HS3ST4: variants seen among roughly 807,000 people sequenced by gnomAD.
HS3ST4 encodes heparan sulfate glucosamine 3-O-sulfotransferase 4.
In HS3ST4, 17 loss-of-function variants were observed where a neutral mutation model predicts 29.2. The ratio of observed to expected loss-of-function variants is 0.58; its 90% confidence interval spans 0.40 to 0.87. The LOEUF (loss-of-function observed/expected upper bound fraction) is 0.87, where lower values mean the gene tolerates loss of function less well. Among genes scored for constraint, HS3ST4 ranks in the 40% least tolerant of loss-of-function variants. The pLI is 0.00. For synonymous variants in HS3ST4, 314 were observed against 285.7 expected (o/e 1.10, Z -1.00); for missense variants, 627 against 634.5 (o/e 0.99, Z 0.13).
chr16:25,862,491 C>T (rs1165691114), intron 1 of HS3ST4, among the ~76,000 whole-genome samples: 1 of 152,204 alleles, frequency 6.6e-6, no homozygotes, highest in South Asian at 2.1e-4. Flanking sequence ...CCTCACCCAG[C>T]CTTCCTATGA....
chr16:26,052,781 C>G (rs1430846882), intron 1 of HS3ST4, among the ~76,000 whole-genome samples: 2 of 152,232 alleles, frequency 1.3e-5, no homozygotes, highest in African/African-American at 4.8e-5. Context: ...CTCACCAACT[C>G]TCATGCTTCT....
intron 1 of HS3ST4, among the ~76,000 whole-genome samples, chr16:25,698,746 T>C (rs574623972): frequency 1.3e-5 from 2 of 152,202 alleles, no homozygotes; most frequent in African/African-American, 4.8e-5. Context: ...AAAGAGGCTG[T>C]TATTTGGGAT....
At chr16:25,971,786 A>G (rs1019504127) in intron 1 of HS3ST4, among the ~76,000 whole-genome samples, 4 of 151,970 alleles carry the variant, frequency 2.6e-5, no homozygotes, top group African/African-American at 9.7e-5. Flanking sequence ...TTAGCTGAGT[A>G]TAGTGGCAGG....
chr16:26,104,875 C>G (rs1899031913), intron 1 of HS3ST4, among the ~76,000 whole-genome samples: 1 of 152,192 alleles, frequency 6.6e-6, no homozygotes. Context: ...CTTGGTTCTT[C>G]TCTTTCTCCC....
At chr16:25,828,267 T>TCTCTCTCTCTCTCTCTCTCTCTCTCTCC (rs1967247561) in intron 1 of HS3ST4, among the ~76,000 whole-genome samples, 1 of 86,800 alleles carries the variant, frequency 1.2e-5, no homozygotes, top group Non-Finnish European at 2.3e-5. Context: ...TTTCTTTCTT[T>TCTCTCTCTCTCTCTCTCTCTCTCTCTCC]CTTTCTTTCT....
rs1193101893 is a variant in HS3ST4 at position 26,051,904 on chromosome 16, C to G, written c.735-83708C>G. ...TGCCTCCCTCCCTCCCTCCCTCCCT[C>G]CCTCCCTCCCTTCCTTCCTTCCTTC... On this transcript the variant is annotated intron_variant, in intron 1 of 1. Coordinates refer to ENST00000331351, the MANE Select transcript of HS3ST4 (RefSeq NM_006040.3). 3.8e-4 allele frequency among the ~76,000 whole-genome samples: 47 copies of G among 123,638 alleles called. No individual in the cohort carries two copies. The South Asian group carries it at 0.011, about 28-fold the overall frequency. 81.1% of individuals were successfully genotyped at this position (123,638 alleles called of 152,430 possible). A position where few individuals can be genotyped will look rare whatever the true frequency, so the allele number is the denominator to read the frequency against.
intron 1 of HS3ST4, among the ~76,000 whole-genome samples, chr16:25,760,923 G>T (rs1426821045): frequency 6.6e-6 from 1 of 152,196 alleles, no homozygotes; most frequent in Admixed American, 6.5e-5. Flanking sequence ...TAATGCTGAG[G>T]CAGAACCCAG....
Position 25,703,567 on chromosome 16 carries a change from A to G in HS3ST4, c.734+10416A>G, listed in dbSNP as rs190192769. On this transcript the variant is annotated intron_variant, in intron 1 of 1. Transcript: ENST00000331351. ...CTTACCTTTATTTGTCTCAGAGTTCATTTCCACTGGAAGTGGTGTCTTCCA... is the reference window on the plus strand; with the variant it reads ...CTTACCTTTATTTGTCTCAGAGTTCGTTTCCACTGGAAGTGGTGTCTTCCA... 3.9e-3 allele frequency among the ~76,000 whole-genome samples: 600 copies of G among 152,344 alleles called. 1 individual carries two copies. Among genetic ancestry groups the G allele is most frequent in the Non-Finnish European group, 6.9e-3 (467 of 68,024 alleles).
intron 1 of HS3ST4, among the ~76,000 whole-genome samples, chr16:25,828,493 A>G (rs2141638187): frequency 6.6e-6 from 1 of 151,666 alleles, no homozygotes; most frequent in South Asian, 2.1e-4. Context: ...GGCACCCGCC[A>G]CCACAGTCAG....
chr16:25,832,182 G>C (rs1409344432), intron 1 of HS3ST4, among the ~76,000 whole-genome samples: 1 of 152,176 alleles, frequency 6.6e-6, no homozygotes, highest in African/African-American at 2.4e-5. Context: ...ATCCTTTTAA[G>C]AGGATCAGGG....
At chr16:25,926,962 AAGGTC>A (rs1968409856) in intron 1 of HS3ST4, among the ~76,000 whole-genome samples, 2 of 152,084 alleles carry the variant, frequency 1.3e-5, no homozygotes, top group African/African-American at 4.8e-5. Flanking sequence ...AGAATACTTT[AAGGTC>A]AGGAGAATTG....
At chr16:25,979,599 CA>C (rs1596633793) in intron 1 of HS3ST4, among the ~76,000 whole-genome samples, 1 of 152,168 alleles carries the variant, frequency 6.6e-6, no homozygotes, top group Non-Finnish European at 1.5e-5. Flanking sequence ...TGCAGGAAAG[CA>C]AACTCAGGGC....
chr16:25,835,233 T>A (rs1290885729), intron 1 of HS3ST4, among the ~76,000 whole-genome samples: 1 of 152,164 alleles, frequency 6.6e-6, no homozygotes, highest in East Asian at 1.9e-4. Flanking sequence ...CAGCTTTCCT[T>A]CCCCCGTTGT....
intron 1 of HS3ST4, among the ~76,000 whole-genome samples, chr16:26,053,866 A>T (rs986761757): frequency 6.6e-6 from 1 of 151,992 alleles, no homozygotes; most frequent in Admixed American, 6.6e-5. Context: ...AAATCTCCAT[A>T]ATTTTAAATA....
intron 1 of HS3ST4, among the ~76,000 whole-genome samples, chr16:25,756,135 C>T (rs1212957085): frequency 1.1e-5 from 1 of 90,562 alleles, no homozygotes; most frequent in East Asian, 1.4e-3. Flanking sequence ...CATACACACA[C>T]ACACACACAC....
At chr16:25,792,844 G>GT (rs1966872394) in intron 1 of HS3ST4, among the ~76,000 whole-genome samples, 3 of 151,572 alleles carry the variant, frequency 2.0e-5, no homozygotes, top group Admixed American at 6.6e-5. Flanking sequence ...ACTTTTTAGT[G>GT]TATTTAGCTG....
chr16:25,904,745 C>G (rs1351649933), intron 1 of HS3ST4, among the ~76,000 whole-genome samples: 1 of 152,146 alleles, frequency 6.6e-6, no homozygotes, highest in Non-Finnish European at 1.5e-5. Flanking sequence ...ATCTCTGGGA[C>G]AGTTATGTAT....
intron 1 of HS3ST4, among the ~76,000 whole-genome samples, chr16:26,069,560 ATT>A (rs201055901): frequency 3.9e-4 from 58 of 150,176 alleles, no homozygotes; most frequent in African/African-American, 1.1e-3. Flanking sequence ...ATATATATAT[ATT>A]TTTTTTTATT....
In HS3ST4 at chr16:26,100,717, C is replaced by G. The variant is rs568636832; in HGVS notation, c.735-34895C>G. ...CTCACAAATCTCCCCCAACCAAACC[C>G]GAGTCATTAATATGAATCTAAAAGA... On this transcript the variant is annotated intron_variant, in intron 1 of 1. Coordinates refer to ENST00000331351, the MANE Select transcript of HS3ST4 (RefSeq NM_006040.3). 2.0e-5 allele frequency among the ~76,000 whole-genome samples: 3 copies of G among 152,152 alleles called. 1 individual carries two copies. The highest frequency in any genetic ancestry group is 4.1e-4 in the South Asian group (2 of 4,834).
Sources: allele counts gnomAD v4.1 joint callset (sites outside exome capture counted in the v4.1 genomes callset), GRCh38; gene constraint gnomAD v4.1.1; transcripts MANE v1.5; gene names NCBI Gene and HGNC (gene_info 2026-07-23, HGNC 2026-07-21).